NR2F1-AS1: variants seen among roughly 807,000 people sequenced by gnomAD.
NR2F1-AS1 encodes NR2F1 antisense RNA 1.
upstream of NR2F1-AS1, among the ~76,000 whole-genome samples, chr5:93,581,731 T>TCTCC (rs1561519277): frequency 7.7e-5 from 3 of 39,172 alleles, no homozygotes; most frequent in Non-Finnish European, 1.3e-4. Context: ...TCTCTCTCTC[T>TCTCC]CTCCCCCTCT....
chr5:93,532,411 G>GAA (rs888500780), intron 4 of NR2F1-AS1, among the ~76,000 whole-genome samples: 1 of 152,016 alleles, frequency 6.6e-6, no homozygotes, highest in Non-Finnish European at 1.5e-5. Flanking sequence ...GAGAGAGAGA[G>GAA]AAAGAGAGGG....
intron 4 of NR2F1-AS1, among the ~76,000 whole-genome samples, chr5:93,533,003 C>T (rs2149901385): frequency 6.6e-6 from 1 of 152,262 alleles, no homozygotes; most frequent in East Asian, 1.9e-4. Flanking sequence ...CAGTACACAA[C>T]AAAAATCACA....
chr5:93,449,068 T>C (rs968225755), intron 4 of NR2F1-AS1, among the ~76,000 whole-genome samples: 2 of 152,070 alleles, frequency 1.3e-5, no homozygotes, highest in Non-Finnish European at 2.9e-5. Flanking sequence ...GATTAAAAAT[T>C]AGGATTTTGA....
intron 4 of NR2F1-AS1, among the ~76,000 whole-genome samples, chr5:93,467,851 CCT>C (rs1362132150): frequency 5.9e-5 from 9 of 152,112 alleles, no homozygotes; most frequent in Non-Finnish European, 1.3e-4. Flanking sequence ...TGTTTCCTGC[CCT>C]GTGTCCATGT....
chr5:93,454,925 G>A (rs1010480115), intron 4 of NR2F1-AS1, among the ~76,000 whole-genome samples: 1 of 152,266 alleles, frequency 6.6e-6, no homozygotes, highest in Admixed American at 6.5e-5. Context: ...CCAACTGGCT[G>A]TTTATCTATA....
At chr5:93,503,855 C>G (rs1751132961) in intron 4 of NR2F1-AS1, among the ~76,000 whole-genome samples, 1 of 152,096 alleles carries the variant, frequency 6.6e-6, no homozygotes, top group South Asian at 2.1e-4. Flanking sequence ...CTCCATTTGC[C>G]TTTTCCCTTT....
chr5:93,420,692 T>C (rs1336872958), intron 4 of NR2F1-AS1, among the ~76,000 whole-genome samples: 1 of 152,172 alleles, frequency 6.6e-6, no homozygotes, highest in Admixed American at 6.5e-5. Flanking sequence ...CATAAGTGAA[T>C]GTGGCCACCT....
At chr5:93,562,963 G>T (rs1752528525) in intron 2 of NR2F1-AS1, among the ~76,000 whole-genome samples, 1 of 152,142 alleles carries the variant, frequency 6.6e-6, no homozygotes, top group Admixed American at 6.6e-5. Flanking sequence ...TTTACATCAT[G>T]CAAATCTAAC....
chr5:93,507,254 TA>T (rs1356661775), intron 4 of NR2F1-AS1, among the ~76,000 whole-genome samples: 1 of 152,218 alleles, frequency 6.6e-6, no homozygotes, highest in Non-Finnish European at 1.5e-5. Context: ...AGAAACAAGA[TA>T]AAAATGTGTG....
chr5:93,416,072 T>C (rs1315861363), intron 4 of NR2F1-AS1, among the ~76,000 whole-genome samples: 12 of 152,230 alleles, frequency 7.9e-5, no homozygotes, highest in Admixed American at 7.9e-4. Flanking sequence ...GGATAGATTA[T>C]AGTCTCATGC....
chr5:93,501,498 T>A (rs958334470), intron 4 of NR2F1-AS1, among the ~76,000 whole-genome samples: 7 of 151,634 alleles, frequency 4.6e-5, no homozygotes, highest in African/African-American at 1.5e-4. Flanking sequence ...GGATTACAGG[T>A]GTCCACCACC....
At chr5:93,425,061 C>T (rs1749166976) in intron 4 of NR2F1-AS1, among the ~76,000 whole-genome samples, 1 of 152,154 alleles carries the variant, frequency 6.6e-6, no homozygotes, top group Non-Finnish European at 1.5e-5. Context: ...TGCTGAAAAA[C>T]AAAACACCCT....
intron 4 of NR2F1-AS1, among the ~76,000 whole-genome samples, chr5:93,431,642 C>T (rs1307238213): frequency 3.3e-5 from 5 of 152,122 alleles, no homozygotes; most frequent in Admixed American, 3.3e-4. Context: ...ATGAATGGTG[C>T]ATAGGTCTTT....
chr5:93,492,607 C>T (rs1368418314), intron 4 of NR2F1-AS1, among the ~76,000 whole-genome samples: 1 of 151,974 alleles, frequency 6.6e-6, no homozygotes, highest in Non-Finnish European at 1.5e-5. Context: ...ACTCAATATC[C>T]CTTATTAACA....
upstream of NR2F1-AS1, chr5:93,585,211 C>A (rs1753208695): frequency 1.3e-6 from 2 of 1,542,644 alleles, no homozygotes; most frequent in Non-Finnish European, 8.7e-7. Flanking sequence ...GCGCCCGCCA[C>A]CCCCGGCACG....
At chr5:93,567,477 A>C (rs763131384) in intron 1 of NR2F1-AS1, among the ~76,000 whole-genome samples, 2 of 152,310 alleles carry the variant, frequency 1.3e-5, no homozygotes, top group East Asian at 1.9e-4. Context: ...TTACAAGAAG[A>C]AGCTGATTTG....
At chr5:93,494,621 A>G (rs1329222789) in intron 4 of NR2F1-AS1, among the ~76,000 whole-genome samples, 1 of 152,196 alleles carries the variant, frequency 6.6e-6, no homozygotes, top group East Asian at 1.9e-4. Flanking sequence ...TCTCAAAAGA[A>G]GAAAAAGTTG....
At chr5:93,455,742 G>C (rs1561446525) in intron 4 of NR2F1-AS1, among the ~76,000 whole-genome samples, 1 of 151,590 alleles carries the variant, frequency 6.6e-6, no homozygotes, top group African/African-American at 2.4e-5. Context: ...AAACACAAAG[G>C]ATCATCTCAA....
chr5:93,452,986 A>C (rs973754232), intron 4 of NR2F1-AS1, among the ~76,000 whole-genome samples: 1 of 152,206 alleles, frequency 6.6e-6, no homozygotes, highest in African/African-American at 2.4e-5. Context: ...AGAAAACACA[A>C]TCAATAGAAA....
Sources: allele counts gnomAD v4.1 joint callset (sites outside exome capture counted in the v4.1 genomes callset), GRCh38; gene constraint gnomAD v4.1.1; transcripts MANE v1.5; gene names NCBI Gene and HGNC (gene_info 2026-07-23, HGNC 2026-07-21).